The following TBXAS1 variants were observed in gnomAD, a reference collection of about 807,000 sequenced individuals.
TBXAS1 encodes thromboxane A synthase 1.
In TBXAS1, 48 loss-of-function variants were observed where a neutral mutation model predicts 60.7. The observed-to-expected ratio is 0.79, with a 90% CI of 0.63 to 1.01. The LOEUF (loss-of-function observed/expected upper bound fraction) is 1.01, where lower values mean the gene tolerates loss of function less well. Ranked by LOEUF, TBXAS1 falls within the 50% of genes least tolerant of loss-of-function variation. The pLI is 0.00. For missense variants in TBXAS1, 685 were observed against 686.3 expected (o/e 1.00, Z 0.02); for synonymous variants, 287 against 269.7 (o/e 1.06, Z -0.63).
At chr7:139,946,941 T>G (rs1237597058) in intron 5 of TBXAS1, among the ~76,000 whole-genome samples, 1 of 152,196 alleles carries the variant, frequency 6.6e-6, no homozygotes. Flanking sequence ...GGTCGGAATC[T>G]TACACTCAAG....
intron 9 of TBXAS1, among the ~76,000 whole-genome samples, chr7:139,965,816 A>G (rs931035342): frequency 1.3e-5 from 2 of 151,938 alleles, no homozygotes; most frequent in Non-Finnish European, 2.9e-5. Flanking sequence ...AGCCTTGCAC[A>G]TGGCACCCAC....
chr7:140,003,138 A>G (rs1418966525), intron 9 of TBXAS1, among the ~76,000 whole-genome samples: 4 of 152,026 alleles, frequency 2.6e-5, no homozygotes, highest in Non-Finnish European at 5.9e-5. Flanking sequence ...AAAAAAAAAA[A>G]AAAAGCTGGC....
chr7:139,855,657 C>A (rs542567550), intron 1 of TBXAS1, among the ~76,000 whole-genome samples: 1 of 152,232 alleles, frequency 6.6e-6, no homozygotes, highest in Non-Finnish European at 1.5e-5. Flanking sequence ...GAGGTTTTGT[C>A]GTCCCAGAAG....
chr7:139,976,118 C>G (rs184083126), intron 9 of TBXAS1, among the ~76,000 whole-genome samples: 1 of 152,336 alleles, frequency 6.6e-6, no homozygotes, highest in African/African-American at 2.4e-5. Context: ...GGGAAATGCA[C>G]CTGAGACATT....
chr7:139,877,069 G>A (rs1802291455), intron 3 of TBXAS1, among the ~76,000 whole-genome samples: 1 of 152,184 alleles, frequency 6.6e-6, no homozygotes. Flanking sequence ...TACCCTATTG[G>A]TTAAACCAAG....
Position 139,953,470 on chromosome 7 carries a change from A to G in TBXAS1, c.539+14A>G. 6.2e-7 allele frequency: 1 copy of G among 1,611,932 alleles called. No homozygotes were observed. On this transcript the variant is annotated intron_variant, in intron 6 of 12. Coordinates refer to ENST00000448866, the MANE Select transcript of TBXAS1 (RefSeq NM_001061.7). ...TGACATCCAGAGGTAAGGCTGCTGC[A>G]TTACAGATGAGAAATCGAGTTTTTG...
At position 139,916,508 on chromosome 7, in the gene TBXAS1, G is replaced by A. The variant is rs145098564; in HGVS notation, c.333+5187G>A. On this transcript the variant is annotated intron_variant, in intron 4 of 12. Transcript: ENST00000448866. This position sits in a 1 kb window ranked among gnomAD's most constrained non-coding sequence, Gnocchi z 4.2. ...TCACGTCCAAAGCCATGTGATGGAC[G>A]TGGTGGGTGGTTTTATCCCGAACCA... is the stretch of plus-strand genomic sequence containing the variant. Among the ~76,000 whole-genome samples the A allele has an allele frequency of 9.4e-4, 143 of 152,314 alleles. No individual in the cohort carries two copies. Among genetic ancestry groups the A allele is most frequent in the African/African-American group, 3.0e-3 (123 of 41,576 alleles).
upstream of TBXAS1, among the ~76,000 whole-genome samples, chr7:139,828,693 G>A (rs965643022): frequency 6.6e-6 from 1 of 152,138 alleles, no homozygotes; most frequent in Non-Finnish European, 1.5e-5. Flanking sequence ...CCATATATGA[G>A]CCTACGGATC....
At chr7:139,983,850 C>A (rs1812133429) in intron 9 of TBXAS1, among the ~76,000 whole-genome samples, 1 of 152,172 alleles carries the variant, frequency 6.6e-6, no homozygotes, top group East Asian at 1.9e-4. Context: ...GGCTTCCTTC[C>A]AATATTTTTA....
intron 9 of TBXAS1, among the ~76,000 whole-genome samples, chr7:139,984,087 C>G (rs1260977057): frequency 6.6e-6 from 1 of 152,174 alleles, no homozygotes; most frequent in Non-Finnish European, 1.5e-5. Context: ...GACGTTGGGC[C>G]CACCTCCCTG....
chr7:139,793,404 G>A (rs1797451985), intron 4 of TBXAS1, among the ~76,000 whole-genome samples: 1 of 151,978 alleles, frequency 6.6e-6, no homozygotes, highest in Admixed American at 6.6e-5. Context: ...GGATGACAGA[G>A]CGAGAATCCA....
intron 1 of TBXAS1, among the ~76,000 whole-genome samples, chr7:139,844,738 G>A (rs947815865): frequency 3.3e-5 from 5 of 152,168 alleles, no homozygotes; most frequent in South Asian, 2.1e-4. Context: ...AACTCCATCC[G>A]TACACAGAGA....
chr7:140,008,162 G>C (rs908799420), intron 10 of TBXAS1, among the ~76,000 whole-genome samples: 3 of 152,152 alleles, frequency 2.0e-5, no homozygotes, highest in African/African-American at 7.2e-5. Flanking sequence ...ATGATTTGAG[G>C]GTATCTCAAA....
chr7:139,919,751 G>A (rs959811228), intron 4 of TBXAS1, among the ~76,000 whole-genome samples: 1 of 152,212 alleles, frequency 6.6e-6, no homozygotes, highest in Non-Finnish European at 1.5e-5. Context: ...AGTGGCTGCT[G>A]TCTTCATGCA....
chr7:139,917,857 T>A (rs528775341), intron 4 of TBXAS1, among the ~76,000 whole-genome samples: 19 of 152,322 alleles, frequency 1.2e-4, no homozygotes, highest in African/African-American at 4.1e-4. Flanking sequence ...CAAAAAGAAA[T>A]TAGTAAAAGC....
upstream of TBXAS1, among the ~76,000 whole-genome samples, chr7:139,827,253 G>T (rs929193534): frequency 6.6e-6 from 1 of 152,184 alleles, no homozygotes; most frequent in African/African-American, 2.4e-5. Context: ...ACCTGTGGGG[G>T]CACAGAAAAG....
In TBXAS1 at chr7:139,953,319, T is replaced by G. The variant is rs771618682; in HGVS notation, c.451-49T>G. 6 of 1,501,332 alleles carry G rather than the reference T, an allele frequency of 4.0e-6. No individual in the cohort carries two copies. The South Asian group carries it at 5.6e-5, about 14-fold the overall frequency. 93.0% of individuals were successfully genotyped at this position (1,501,332 alleles called of 1,614,324 possible). A position where few individuals can be genotyped will look rare whatever the true frequency, so the allele number is the denominator to read the frequency against. ...CCTCTTCATCTGCAGCCAATTTAGG[T>G]GTACTCCCGGCATGGTGCCCTAATT... On this transcript the variant is annotated intron_variant, in intron 5 of 12. Transcript: ENST00000448866.
At chr7:139,807,748 C>T (rs1797915536) in intron 4 of TBXAS1, among the ~76,000 whole-genome samples, 1 of 152,118 alleles carries the variant, frequency 6.6e-6, no homozygotes, top group Non-Finnish European at 1.5e-5. Flanking sequence ...AAACTCTTGG[C>T]CTCAAGCGAT....
intron 1 of TBXAS1, among the ~76,000 whole-genome samples, chr7:139,856,289 T>C (rs1015491625): frequency 1.3e-5 from 2 of 152,162 alleles, no homozygotes; most frequent in Non-Finnish European, 2.9e-5. Context: ...TCTGGGGTGA[T>C]CGAGTTGTTT....
Sources: allele counts gnomAD v4.1 joint callset (sites outside exome capture counted in the v4.1 genomes callset), GRCh38; gene constraint gnomAD v4.1.1; non-coding constraint Gnocchi (gnomAD v3.1); transcripts MANE v1.5; gene names NCBI Gene and HGNC (gene_info 2026-07-23, HGNC 2026-07-21).